The following NELFA variants were observed in gnomAD, a reference collection of about 807,000 sequenced individuals.
NELFA encodes negative elongation factor A.
In NELFA, 35 loss-of-function variants were observed where a neutral mutation model predicts 51.8. The ratio of observed to expected loss-of-function variants is 0.68; its 90% confidence interval spans 0.52 to 0.90. NELFA has a LOEUF of 0.90. Among genes scored for constraint, NELFA ranks in the 40% least tolerant of loss-of-function variants. NELFA has a pLI of 0.00. For synonymous variants in NELFA, 417 were observed against 338.4 expected, an observed-to-expected ratio of 1.23 and a Z score of -2.55; for missense variants, 658 against 746.4, an observed-to-expected ratio of 0.88 and a Z score of 1.38.
At position 2,008,910 on chromosome 4, in the gene NELFA, A is replaced by G; in HGVS notation, c.50T>C (p.Leu17Pro). ...SDTGLWLHNK[L>P]GATDELWAPP... ...CGCCCACAGCTCGTCCGTGGCCCCC[A>G]GCTTGTTGTGCAGCCACAGGCCCGT... The change falls in exon 1 of 11, where the codon CTG (leucine) becomes CCG (proline). Residue 17 changes from leucine to proline, a missense_variant. Physicochemically the swap from Leu to Pro is moderately conservative, Grantham distance 98. This residue lies in a region of NELFA where 371 missense variants were observed against 448.3 expected (regional missense o/e 0.83). Coordinates refer to ENST00000382882, the MANE Select transcript of NELFA (RefSeq NM_005663.5). 6.3e-7 allele frequency: 1 copy of G among 1,581,606 alleles called. No homozygotes were observed. The highest frequency in any genetic ancestry group is 8.6e-7 in the Non-Finnish European group (1 of 1,164,676).
intron 1 of NELFA, chr4:2,007,006 C>T (rs944376379): frequency 2.6e-4 from 49 of 190,398 alleles, no homozygotes; most frequent in Admixed American, 6.8e-4. Flanking sequence ...ACCTGTAATC[C>T]CAGCCCTTCA....
At position 1,983,288 on chromosome 4, in the gene NELFA, C is replaced by T; in HGVS notation, c.*31G>A. The T allele has an allele frequency of 6.3e-7, 1 of 1,594,994 alleles. No individual in the cohort carries two copies. Among genetic ancestry groups the T allele is most frequent in the Non-Finnish European group, 8.6e-7 (1 of 1,166,596 alleles). ...AAAGCCATCGTCCCGTGGACCCCCA[C>T]AAGTGACGGCCAGCTGTGAGGCAGG... On this transcript the variant is annotated 3_prime_UTR_variant, in exon 11 of 11. Coordinates refer to ENST00000382882, the MANE Select transcript of NELFA (RefSeq NM_005663.5).
chr4:1,988,437 G>C (rs1268503781), intron 3 of NELFA, among the ~76,000 whole-genome samples: 1 of 152,378 alleles, frequency 6.6e-6, no homozygotes, highest in African/African-American at 2.4e-5. Context: ...GTGGCTGAAG[G>C]GTCAGGGGAC....
In NELFA at chr4:1,990,076, C is replaced by T. The variant is rs201133499; in HGVS notation, c.383-207G>A. 100 of 602,970 alleles carry T rather than the reference C, an allele frequency of 1.7e-4. No individual in the cohort carries two copies. In the East Asian group the frequency reaches 2.4e-3, roughly 15 times the overall value. 37.4% of individuals were successfully genotyped at this position (602,970 alleles called of 1,614,324 possible). On this transcript the variant is annotated intron_variant, in intron 2 of 10. Coordinates refer to ENST00000382882, the MANE Select transcript of NELFA (RefSeq NM_005663.5). ...TTGCAGAACAGGAATGCCTGAGAGG[C>T]GGGCATGCCTTGAGAGGGCTGTAAA...
Position 2,001,818 on chromosome 4 carries a change from G to C in NELFA, c.210+6932C>G, listed in dbSNP as rs746351407. Among the ~76,000 whole-genome samples, 32 of 152,116 alleles carry C rather than the reference G, an allele frequency of 2.1e-4. 1 individual carries two copies. The highest frequency in any genetic ancestry group is 1.3e-4 in the Non-Finnish European group (9 of 68,032). ...CTCGGGAGGCTGAGGCAGGAGAACT[G>C]CTTGAGCAAGGGAGGCGGAGGTTGC... is the stretch of plus-strand genomic sequence containing the variant. On this transcript the variant is annotated intron_variant, in intron 1 of 10. Transcript: ENST00000382882.
Position 1,983,312 on chromosome 4 carries a change from G to A in NELFA, c.*7C>T. On this transcript the variant is annotated 3_prime_UTR_variant, in exon 11 of 11. Coordinates refer to ENST00000382882, the MANE Select transcript of NELFA (RefSeq NM_005663.5). ...ACAAGTGACGGCCAGCTGTGAGGCA[G>A]GTGGTTCTAGGACACATTGGTCATG... is the stretch of plus-strand genomic sequence containing the variant. 6.2e-7 allele frequency: 1 copy of A among 1,607,084 alleles called. No homozygotes were observed.
At chr4:1,993,578 C>CAAAA (rs113717027) in intron 1 of NELFA, among the ~76,000 whole-genome samples, 4 of 109,884 alleles carry the variant, frequency 3.6e-5, no homozygotes, top group Admixed American at 9.6e-5. Context: ...AACTCCATCT[C>CAAAA]AAAAAAAAAA....
intron 1 of NELFA, chr4:2,007,211 A>T (rs530663763): frequency 3.4e-5 from 12 of 349,092 alleles, no homozygotes; most frequent in South Asian, 1.6e-4. Flanking sequence ...TGTCTCAAAC[A>T]AAACACAAAC....
At position 1,986,272 on chromosome 4, in the gene NELFA, C is replaced by A; in HGVS notation, c.765G>T (p.Lys255Asn). The A allele has an allele frequency of 6.3e-7, 1 of 1,578,862 alleles. No homozygotes were observed. The change falls in exon 5 of 11, where the codon AAG becomes AAT. Residue 255 changes from lysine to asparagine, a missense_variant and splice_region_variant. By Grantham distance (94) the Lys-to-Asn change is moderately conservative (BLOSUM62 0). Around this residue, in one of 3 missense-constraint regions of NELFA, gnomAD observed 371 missense variants for 448.3 expected, o/e 0.83. Coordinates refer to ENST00000382882, the MANE Select transcript of NELFA (RefSeq NM_005663.5). ...CACAGGAGCTGGGGGACGGGCCTAC[C>A]TTCACACCTCGTTCCTTCCGCAGCA... The part of the protein sequence containing the change: ...RTLLRKERGV[K>N]LLDISELDMV...
Position 1,986,300 on chromosome 4 carries a change from G to A in NELFA, c.737C>T (p.Thr246Met), listed in dbSNP as rs760843788. 7.0e-5 allele frequency: 112 copies of A among 1,589,440 alleles called. No individual in the cohort carries two copies. Among genetic ancestry groups the A allele is most frequent in the Non-Finnish European group, 9.0e-5 (105 of 1,167,888 alleles). The change falls in exon 5 of 11, where the codon ACG (threonine) becomes ATG (methionine). Residue 246 changes from threonine (T) to methionine (M), a missense_variant. Coordinates refer to ENST00000382882, the MANE Select transcript of NELFA (RefSeq NM_005663.5). Reference protein sequence around the residue: ...GNRTPIPPSRTLLRKERGVKL... With the variant: ...GNRTPIPPSRMLLRKERGVKL... ...CACACCTCGTTCCTTCCGCAGCAGC[G>A]TCCTGGAAGGCGGGATGGGGGTCCG... is the stretch of plus-strand genomic sequence containing the variant.
At chr4:2,008,542 G>A (rs1166032463) in intron 1 of NELFA, among the ~76,000 whole-genome samples, 4 of 147,900 alleles carry the variant, frequency 2.7e-5, no homozygotes, top group Non-Finnish European at 4.5e-5. Context: ...GATCGAGGCG[G>A]GGGATGAGGA....
In NELFA at chr4:2,007,972, C is replaced by T. The variant is rs760285893; in HGVS notation, c.210+778G>A. 52 of 456,822 alleles carry T rather than the reference C, an allele frequency of 1.1e-4. 2 individuals carry two copies. The highest frequency in any genetic ancestry group is 3.1e-5 in the South Asian group (2 of 64,572). The allele number at this position is 456,822 out of a possible 1,614,324, so 28.3% of individuals were successfully genotyped here. A position where few individuals can be genotyped will look rare whatever the true frequency, so the allele number is the denominator to read the frequency against. ...AAAAAAGAAAACAAACCTCACACAC[C>T]CACTTATTGGAATGACGCAAAACGG... On this transcript the variant is annotated intron_variant, in intron 1 of 10. Transcript: ENST00000382882.
intron 6 of NELFA, 50 bp downstream of exon 6, chr4:1,986,064 G>A (rs1728082709): frequency 3.9e-6 from 6 of 1,538,486 alleles, no homozygotes; most frequent in Non-Finnish European, 5.3e-6. Flanking sequence ...CAACTGGGCA[G>A]GGCCCGCAGG....
intron 2 of NELFA, chr4:1,990,455 C>T (rs907340579): frequency 2.0e-5 from 9 of 456,600 alleles, no homozygotes; most frequent in Middle Eastern, 3.2e-4. Context: ...GAGAGTTCAC[C>T]GGCCTCAGCC....
intron 1 of NELFA, chr4:2,007,250 T>C (rs1728733267): frequency 3.5e-6 from 1 of 289,544 alleles, no homozygotes; most frequent in Non-Finnish European, 7.6e-6. Context: ...GAAAAATAAT[T>C]TGGCATGATC....
At chr4:2,005,309 G>A (rs767294594) in intron 1 of NELFA, among the ~76,000 whole-genome samples, 3 of 150,896 alleles carry the variant, frequency 2.0e-5, no homozygotes, top group South Asian at 4.2e-4. Context: ...CCAGTGAGAC[G>A]AGAAAAAAAA....
intron 1 of NELFA, among the ~76,000 whole-genome samples, chr4:2,005,674 A>T (rs1728692229): frequency 6.6e-6 from 1 of 152,162 alleles, no homozygotes; most frequent in Non-Finnish European, 1.5e-5. Flanking sequence ...CCTGGGTGAG[A>T]GAGTGAGATC....
At chr4:1,994,239 T>C (rs922511269) in intron 1 of NELFA, among the ~76,000 whole-genome samples, 3 of 152,006 alleles carry the variant, frequency 2.0e-5, no homozygotes, top group African/African-American at 7.2e-5. Flanking sequence ...CACTCCAGCC[T>C]GAGCAACAGA....
At chr4:1,986,428 C>T (rs747700472) in intron 4 of NELFA, 26 bp from the exon 5 acceptor site, 55 of 1,612,078 alleles carry the variant, frequency 3.4e-5, no homozygotes, top group Non-Finnish European at 4.4e-5. Flanking sequence ...AGTCAGGGCG[C>T]CAGCAGCAGT....
Sources: gnomAD v4.1 joint callset for allele counts (sites outside exome capture counted in the v4.1 genomes callset) on GRCh38, gnomAD v4.1.1 for gene constraint, gnomAD v4.1.1 regional missense constraint, MANE v1.5 for transcripts, NCBI Gene and HGNC (gene_info 2026-07-23, HGNC 2026-07-21) for gene names.